The following TTYH3 variants were observed in gnomAD, a reference collection of about 807,000 sequenced individuals.
TTYH3 encodes protein tweety homolog 3.
TTYH3 carries 23 observed loss-of-function variants against 68.2 expected under a neutral mutation model. The observed-to-expected ratio is 0.34, with a 90% CI of 0.24 to 0.48. The LOEUF (loss-of-function observed/expected upper bound fraction) is 0.48. Ranked by LOEUF, TTYH3 falls within the 20% of genes least tolerant of loss-of-function variation. TTYH3 has a pLI of 0.99. For missense variants in TTYH3, 768 were observed against 727.7 expected, an observed-to-expected ratio of 1.06 and a Z score of -0.64; for synonymous variants, 360 against 332.8, an observed-to-expected ratio of 1.08 and a Z score of -0.89.
chr7:2,636,312 G>A (rs770905871), intron 1 of TTYH3, among the ~76,000 whole-genome samples: 1 of 152,226 alleles, frequency 6.6e-6, no homozygotes, highest in Non-Finnish European at 1.5e-5. Flanking sequence ...TGTCATTTAC[G>A]AAAGCAGTAC....
intron 13 of TTYH3, among the ~76,000 whole-genome samples, chr7:2,660,877 A>C (rs574620850): frequency 2.6e-5 from 4 of 152,194 alleles, no homozygotes; most frequent in Non-Finnish European, 5.9e-5. Context: ...TGCCTCGCAC[A>C]TGTGGGTTTC....
chr7:2,632,871 G>A (rs1785559105), intron 1 of TTYH3, among the ~76,000 whole-genome samples: 1 of 152,236 alleles, frequency 6.6e-6, no homozygotes, highest in African/African-American at 2.4e-5. Flanking sequence ...CCTGCTTGGC[G>A]GTCAGGCTGT....
In TTYH3 at chr7:2,652,215, G is replaced by T; in HGVS notation, c.900G>T (p.Ser300=). 2 of 1,612,958 alleles carry T rather than the reference G, an allele frequency of 1.2e-6. No individual in the cohort carries two copies. The highest frequency in any genetic ancestry group is 8.5e-7 in the Non-Finnish European group (1 of 1,180,014). The change falls in exon 8 of 14, where the codon TCG becomes TCT. Residue 300 remains serine (S), a synonymous_variant. Transcript: ENST00000258796. ...GDILQYYLAC[S]PRAANPFQQK... ...TCCTGCAGTACTACCTGGCCTGCTC[G>T]CCCCGCGCCGCCAACCCCTTCCAGC...
chr7:2,650,313 C>T (rs1471962770), intron 7 of TTYH3, among the ~76,000 whole-genome samples: 1 of 152,178 alleles, frequency 6.6e-6, no homozygotes, highest in Admixed American at 6.5e-5. Flanking sequence ...TGCAGTGGCT[C>T]ACACCTGTAA....
chr7:2,658,605 C>G, intron 12 of TTYH3, 146 bp downstream of exon 12: 1 of 1,005,200 alleles, frequency 9.9e-7, no homozygotes, highest in South Asian at 1.7e-5. Context: ...GCCTCCTGCC[C>G]CAGGTGAACA....
intron 1 of TTYH3, 110 bp downstream of exon 1, chr7:2,632,388 C>T (rs563908699): frequency 3.4e-5 from 40 of 1,179,384 alleles, no homozygotes; most frequent in Non-Finnish European, 4.3e-5. Context: ...CTCATCCCCC[C>T]CTCCAGGGTC....
rs141054645 is a variant in TTYH3 at position 2,656,433 on chromosome 7, C to T, written c.1149C>T (p.Asp383=). ...AAGCGCTGACCGGCTTCTGCTATGA[C>T]GGCGTGGAGGGCCTCATCTACCTGG... ...YVQALTGFCY[D]GVEGLIYLAL... Residue 383 remains aspartate (D), a synonymous_variant, in exon 11 of 14, where the codon GAC becomes GAT. Coordinates refer to ENST00000258796, the MANE Select transcript of TTYH3 (RefSeq NM_025250.3). 1.5e-4 allele frequency: 240 copies of T among 1,611,822 alleles called. No homozygotes were observed. The African/African-American group carries it at 2.1e-3, about 14-fold the overall frequency.
intron 7 of TTYH3, among the ~76,000 whole-genome samples, chr7:2,650,941 C>T (rs181288300): frequency 1.2e-3 from 187 of 150,756 alleles, no homozygotes; most frequent in Middle Eastern, 0.01. Context: ...GCGAGAGGGA[C>T]GGAGCAGGAG....
chr7:2,636,611 G>A (rs771984172), intron 1 of TTYH3, among the ~76,000 whole-genome samples: 1 of 152,214 alleles, frequency 6.6e-6, no homozygotes, highest in Non-Finnish European at 1.5e-5. Context: ...AGGAGCTGAT[G>A]AACTAGGCTG....
chr7:2,647,350 C>T, intron 3 of TTYH3, 68 bp from the exon 4 acceptor site: 1 of 1,489,954 alleles, frequency 6.7e-7, no homozygotes, highest in Non-Finnish European at 8.9e-7. Context: ...TGGGGCTGTG[C>T]AGGAGGGGCC....
rs772407437 is a variant in TTYH3 at position 2,656,404 on chromosome 7, G to A, written c.1120G>A (p.Val374Met). The A allele has an allele frequency of 9.9e-6, 16 of 1,609,830 alleles. No homozygotes were observed. Among genetic ancestry groups the A allele is most frequent in the South Asian group, 2.2e-5 (2 of 90,926 alleles). The change falls in exon 11 of 14, where the codon GTG becomes ATG. Residue 374 changes from valine to methionine, a missense_variant. Val to Met is a conservative substitution (Grantham distance 21, BLOSUM62 1). Coordinates refer to ENST00000258796, the MANE Select transcript of TTYH3 (RefSeq NM_025250.3). ...TCTCATCCCACGGCCTCAGGACTACGTGCAAGCGCTGACCGGCTTCTGCTA... is the reference window on the plus strand; with the variant it reads ...TCTCATCCCACGGCCTCAGGACTACATGCAAGCGCTGACCGGCTTCTGCTA... ...VDCRSLHLDY[V>M]QALTGFCYDG...
intron 8 of TTYH3, 62 bp downstream of exon 8, chr7:2,652,304 GA>G: frequency 6.8e-7 from 1 of 1,480,378 alleles, no homozygotes; most frequent in Non-Finnish European, 9.3e-7. Context: ...GCTGTGTGTG[GA>G]GGGGCCCAGC....
intron 13 of TTYH3, chr7:2,660,464 G>A: frequency 2.0e-6 from 2 of 985,414 alleles, no homozygotes; most frequent in Non-Finnish European, 2.4e-6. Context: ...ACGTGCCGGC[G>A]AGCACGTGAG....
chr7:2,634,766 G>A (rs1217423201), intron 1 of TTYH3, among the ~76,000 whole-genome samples: 3 of 152,158 alleles, frequency 2.0e-5, no homozygotes, highest in Non-Finnish European at 4.4e-5. Flanking sequence ...AGCCCCAGGA[G>A]GTGGGGAGAG....
chr7:2,640,931 A>G (rs1785824619), intron 1 of TTYH3, among the ~76,000 whole-genome samples: 1 of 152,226 alleles, frequency 6.6e-6, no homozygotes, highest in South Asian at 2.1e-4. Context: ...CGAGGTTCAC[A>G]CAGAGCAAAG....
intron 13 of TTYH3, among the ~76,000 whole-genome samples, chr7:2,661,280 G>C (rs1053686755): frequency 1.3e-5 from 2 of 152,176 alleles, no homozygotes; most frequent in African/African-American, 4.8e-5. Context: ...GTGTCCTTCA[G>C]GTCCTGGGTG....
chr7:2,652,566 G>A (rs12671118), intron 8 of TTYH3, among the ~76,000 whole-genome samples: 10,777 of 152,280 alleles, frequency 0.071, 678 homozygotes, highest in East Asian at 0.26. Context: ...GTGTTCAGGC[G>A]TCCTGGTGGG....
At chr7:2,646,766 G>A in intron 1 of TTYH3, 87 bp from the exon 2 acceptor site, 2 of 1,396,818 alleles carry the variant, frequency 1.4e-6, no homozygotes, top group African/African-American at 1.4e-5. Context: ...TTAAATGGGA[G>A]TCTGCGCCAG....
chr7:2,640,911 C>T (rs1583558463), intron 1 of TTYH3, among the ~76,000 whole-genome samples: 2 of 152,348 alleles, frequency 1.3e-5, no homozygotes, highest in Admixed American at 6.5e-5. Context: ...CTTACAAGTG[C>T]GGAGCCAGCC....
Sources: gnomAD v4.1 joint callset for allele counts (sites outside exome capture counted in the v4.1 genomes callset) on GRCh38, gnomAD v4.1.1 for gene constraint, MANE v1.5 for transcripts, NCBI Gene and HGNC (gene_info 2026-07-23, HGNC 2026-07-21) for gene names.